SLIT2: variants seen among roughly 807,000 people sequenced by gnomAD.
SLIT2 encodes the protein slit homolog 2 protein.
Under a neutral mutation model 185.7 loss-of-function variants are expected in SLIT2, and 41 were observed. That is an observed-to-expected ratio of 0.22 (90% CI 0.17 to 0.29). The LOEUF is 0.29. Among genes scored for constraint, SLIT2 ranks in the 10% least tolerant of loss-of-function variants. SLIT2 has a pLI of 1.00. For missense variants in SLIT2, 1,571 were observed against 1,909.0 expected (o/e 0.82, Z 3.30); for synonymous variants, 693 against 680.2 (o/e 1.02, Z -0.29).
intron 4 of SLIT2, among the ~76,000 whole-genome samples, chr4:20,320,513 C>G (rs1204793370): frequency 6.6e-6 from 1 of 152,100 alleles, no homozygotes; most frequent in African/African-American, 2.4e-5. Flanking sequence ...TCACTGTTCT[C>G]CCTGCCTCTT....
At chr4:20,541,800 T>G (rs781514528) in intron 20 of SLIT2, among the ~76,000 whole-genome samples, 181 bp downstream of exon 20, 1 of 152,240 alleles carries the variant, frequency 6.6e-6, no homozygotes, top group Non-Finnish European at 1.5e-5. Flanking sequence ...CTTCCACATT[T>G]GAGTCTACTT....
intron 26 of SLIT2, among the ~76,000 whole-genome samples, chr4:20,558,453 T>A (rs981163770): frequency 2.0e-5 from 3 of 152,098 alleles, no homozygotes; most frequent in Non-Finnish European, 2.9e-5. Context: ...CAATAAAATA[T>A]TTTATAATTA....
intron 4 of SLIT2, among the ~76,000 whole-genome samples, chr4:20,293,919 C>A (rs374401014): frequency 6.6e-6 from 1 of 151,924 alleles, no homozygotes; most frequent in Non-Finnish European, 1.5e-5. Flanking sequence ...GGACACCAAT[C>A]CTTTTTTACT....
At chr4:20,352,238 A>C (rs1420022048) in intron 4 of SLIT2, among the ~76,000 whole-genome samples, 1 of 152,164 alleles carries the variant, frequency 6.6e-6, no homozygotes, top group Non-Finnish European at 1.5e-5. Context: ...GCATAACGCT[A>C]TTCATCATCC....
intron 4 of SLIT2, among the ~76,000 whole-genome samples, chr4:20,466,927 T>A (rs563513158): frequency 2.0e-5 from 3 of 152,358 alleles, no homozygotes; most frequent in Non-Finnish European, 2.9e-5. Flanking sequence ...TCATTGATAT[T>A]TCTTGCACGT....
At chr4:20,493,810 C>T (rs1418618053) in intron 9 of SLIT2, among the ~76,000 whole-genome samples, 1 of 152,114 alleles carries the variant, frequency 6.6e-6, no homozygotes, top group African/African-American at 2.4e-5. Flanking sequence ...GCATAGAAGT[C>T]TTTGTGTAGA....
intron 4 of SLIT2, among the ~76,000 whole-genome samples, chr4:20,314,129 A>T (rs1180264888): frequency 6.6e-6 from 1 of 152,200 alleles, no homozygotes; most frequent in Non-Finnish European, 1.5e-5. Context: ...GATGACACAG[A>T]GTAAAGTACC....
chr4:20,533,145 C>T (rs961621496), intron 17 of SLIT2, among the ~76,000 whole-genome samples: 1 of 152,190 alleles, frequency 6.6e-6, no homozygotes, highest in South Asian at 2.1e-4. Flanking sequence ...AAATACATTC[C>T]TGATGCTATA....
At chr4:20,468,561 G>A (rs1577714284) in intron 5 of SLIT2, among the ~76,000 whole-genome samples, 2 of 151,966 alleles carry the variant, frequency 1.3e-5, no homozygotes, top group Non-Finnish European at 2.9e-5. Flanking sequence ...TTATTTCTAA[G>A]GATGCATATC....
chr4:20,498,785 A>G (rs567279219), intron 9 of SLIT2, among the ~76,000 whole-genome samples: 2 of 152,238 alleles, frequency 1.3e-5, no homozygotes, highest in African/African-American at 4.8e-5. Context: ...ACCGTGTCAC[A>G]TATGTTCCAC....
intron 4 of SLIT2, among the ~76,000 whole-genome samples, chr4:20,277,628 C>A (rs1029893464): frequency 1.3e-5 from 2 of 150,942 alleles, no homozygotes; most frequent in Non-Finnish European, 3.0e-5. Context: ...TAGAATCTGC[C>A]TCAATGTAGG....
intron 4 of SLIT2, among the ~76,000 whole-genome samples, chr4:20,444,403 T>A (rs1711546451): frequency 6.6e-6 from 1 of 151,734 alleles, no homozygotes; most frequent in African/African-American, 2.4e-5. Context: ...AAAAAAAAAA[T>A]TCAACTTAAT....
rs1275212325 is a variant in SLIT2, at chr4:20,546,020, A to G, written c.2277-11A>G. Reference sequence around the variant, plus strand: ...CTTTGTAAGAAGATAATATTGTTCCATTGTTTTTAGGTATCTGGATGGAAA... The same window carrying G: ...CTTTGTAAGAAGATAATATTGTTCCGTTGTTTTTAGGTATCTGGATGGAAA... On this transcript the variant is annotated splice_polypyrimidine_tract_variant and intron_variant, in intron 21 of 36. Transcript: ENST00000504154. 4 of 1,487,758 alleles carry G rather than the reference A, an allele frequency of 2.7e-6. No homozygotes were observed. Among genetic ancestry groups the G allele is most frequent in the Non-Finnish European group, 3.7e-6 (4 of 1,074,462 alleles). 92.2% of individuals were successfully genotyped at this position (1,487,758 alleles called of 1,614,324 possible).
intron 4 of SLIT2, among the ~76,000 whole-genome samples, chr4:20,462,595 T>C (rs916413151): frequency 3.9e-5 from 6 of 152,194 alleles, no homozygotes; most frequent in African/African-American, 1.2e-4. Context: ...CATTGCCTAC[T>C]TCACTGGTGA....
At chr4:20,516,305 C>A (rs558476427) in intron 11 of SLIT2, among the ~76,000 whole-genome samples, 65 of 152,052 alleles carry the variant, frequency 4.3e-4, no homozygotes, top group African/African-American at 1.2e-3. Flanking sequence ...ACAACAACAA[C>A]AAAAAAATCT....
intron 4 of SLIT2, among the ~76,000 whole-genome samples, chr4:20,272,033 C>G (rs1208769214): frequency 6.6e-6 from 1 of 152,114 alleles, no homozygotes; most frequent in Non-Finnish European, 1.5e-5. Flanking sequence ...TGAGAGAGCA[C>G]TACATGTTCA....
chr4:20,611,124 T>G (rs1729183027), intron 34 of SLIT2, among the ~76,000 whole-genome samples: 1 of 152,224 alleles, frequency 6.6e-6, no homozygotes, highest in African/African-American at 2.4e-5. Context: ...TACAGATAAA[T>G]AAGTAAAAGC....
chr4:20,377,766 G>A (rs746739949), intron 4 of SLIT2, among the ~76,000 whole-genome samples: 31 of 152,222 alleles, frequency 2.0e-4, no homozygotes, highest in Non-Finnish European at 4.1e-4. Context: ...TCATTTGAAG[G>A]AGGTAGTTGG....
intron 4 of SLIT2, among the ~76,000 whole-genome samples, chr4:20,413,870 G>A (rs1727452078): frequency 6.6e-6 from 1 of 151,808 alleles, no homozygotes; most frequent in South Asian, 2.1e-4. Flanking sequence ...TCCATTCTGT[G>A]AAGCTCTGCC....
Sources: allele counts gnomAD v4.1 joint callset (sites outside exome capture counted in the v4.1 genomes callset), GRCh38; gene constraint gnomAD v4.1.1; transcripts MANE v1.5; gene names NCBI Gene and HGNC (gene_info 2026-07-23, HGNC 2026-07-21).